The following CDYL variants were observed in gnomAD, a reference collection of about 807,000 sequenced individuals.
CDYL encodes the protein chromodomain Y like.
In CDYL, 8 loss-of-function variants were observed where a neutral mutation model predicts 47.3. The observed-to-expected ratio is 0.17, with a 90% confidence interval of 0.10 to 0.31. The LOEUF (loss-of-function observed/expected upper bound fraction) is 0.31, where lower values mean the gene tolerates loss of function less well. Among genes scored for constraint, CDYL ranks in the 10% least tolerant of loss-of-function variants. CDYL has a pLI of 1.00. For missense variants in CDYL, 471 were observed against 701.4 expected (o/e 0.67, Z 3.71); for synonymous variants, 266 against 265.0 (o/e 1.00, Z -0.04).
intron 3 of CDYL, among the ~76,000 whole-genome samples, chr6:4,751,434 A>G (rs945383445): frequency 6.6e-6 from 1 of 152,218 alleles, no homozygotes; most frequent in South Asian, 2.1e-4. Context: ...AGTCTTTCAA[A>G]AGTGTGAAAT....
chr6:4,712,712 A>G (rs143724601), intron 1 of CDYL, among the ~76,000 whole-genome samples: 9 of 152,364 alleles, frequency 5.9e-5, no homozygotes, highest in Non-Finnish European at 1.5e-5. Flanking sequence ...AGATAATTTC[A>G]GAGCTTTAAA....
chr6:4,723,530 C>T (rs1013270261), intron 2 of CDYL, among the ~76,000 whole-genome samples: 2 of 152,098 alleles, frequency 1.3e-5, no homozygotes, highest in Non-Finnish European at 2.9e-5. Context: ...TGGGGGCTGC[C>T]AGCACCTGAA....
chr6:4,706,140 T>A (rs190847093), upstream of CDYL: 14 of 152,340 alleles, frequency 9.2e-5, no homozygotes, highest in Middle Eastern at 3.4e-3. Context: ...TGGAGTTCAG[T>A]GACCCCTTTG....
chr6:4,711,205 C>T (rs931208940), intron 1 of CDYL, among the ~76,000 whole-genome samples: 6 of 152,172 alleles, frequency 3.9e-5, no homozygotes, highest in South Asian at 2.1e-4. Flanking sequence ...TGGCCTCTAA[C>T]GCTGTGGAGA....
At chr6:4,793,674 G>A (rs1256239169) in intron 1 of CDYL, among the ~76,000 whole-genome samples, 1 of 152,194 alleles carries the variant, frequency 6.6e-6, no homozygotes, top group Non-Finnish European at 1.5e-5. Flanking sequence ...AGGCTGGCAG[G>A]ATAATCCAGG....
chr6:4,719,322 G>C (rs563439144), intron 2 of CDYL, among the ~76,000 whole-genome samples: 1 of 152,224 alleles, frequency 6.6e-6, no homozygotes, highest in African/African-American at 2.4e-5. Context: ...TCCATTTATA[G>C]AAGTAGGATT....
At chr6:4,834,973 G>A (rs1054051746) in intron 1 of CDYL, among the ~76,000 whole-genome samples, 2 of 152,016 alleles carry the variant, frequency 1.3e-5, no homozygotes, top group African/African-American at 4.8e-5. Context: ...TTATACATTC[G>A]TCTAAATTTT....
At chr6:4,933,873 G>A (rs944666523) in intron 2 of CDYL, among the ~76,000 whole-genome samples, 2 of 152,206 alleles carry the variant, frequency 1.3e-5, no homozygotes, top group African/African-American at 4.8e-5. Context: ...GAATAGTAGT[G>A]CGTATTGCAG....
At chr6:4,723,365 T>C (rs531281310) in intron 2 of CDYL, among the ~76,000 whole-genome samples, 3 of 152,032 alleles carry the variant, frequency 2.0e-5, no homozygotes, top group East Asian at 3.9e-4. Flanking sequence ...ATGACTGCAC[T>C]GTGCTGAGCA....
intron 3 of CDYL, among the ~76,000 whole-genome samples, chr6:4,765,462 A>G (rs1758238235): frequency 6.6e-6 from 1 of 152,226 alleles, no homozygotes; most frequent in Non-Finnish European, 1.5e-5. Context: ...TAATAAAAAT[A>G]CAAACTATTA....
rs1263640071 is a variant in CDYL, at chr6:4,952,271, C to T, written c.1338C>T (p.Asn446=). ...FPKIMGGASA[N]EMLLSGRKLT... ...TCCACTCTTCTTCCTTGCAGGCAAA[C>T]GAGATGCTGCTCAGTGGACGGAAGC... The change falls in exon 6 of 7, where the codon AAC becomes AAT. Residue 446 remains asparagine (N), a synonymous_variant. Coordinates refer to ENST00000397588, the MANE Select transcript of CDYL (RefSeq NM_004824.4). 8.1e-6 allele frequency: 13 copies of T among 1,612,940 alleles called. No homozygotes were observed. Among genetic ancestry groups the T allele is most frequent in the East Asian group, 2.2e-5 (1 of 44,854 alleles).
chr6:4,902,416 A>G (rs1757094020), intron 2 of CDYL, among the ~76,000 whole-genome samples: 1 of 151,794 alleles, frequency 6.6e-6, no homozygotes, highest in Admixed American at 6.6e-5. Context: ...AAAAAAAAAA[A>G]AAAAAGACAG....
intron 1 of CDYL, among the ~76,000 whole-genome samples, chr6:4,814,242 A>T (rs1226943654): frequency 6.6e-6 from 1 of 152,048 alleles, no homozygotes; most frequent in Admixed American, 6.5e-5. Flanking sequence ...CTTTCTTAAA[A>T]TGTTGAAGTA....
At chr6:4,869,696 C>G (rs1157507402) in intron 1 of CDYL, among the ~76,000 whole-genome samples, 2 of 152,252 alleles carry the variant, frequency 1.3e-5, no homozygotes, top group African/African-American at 2.4e-5. Flanking sequence ...TACCCTAATT[C>G]TAGTCAGTAT....
chr6:4,778,087 C>T (rs1758518383), intron 1 of CDYL, among the ~76,000 whole-genome samples: 1 of 152,124 alleles, frequency 6.6e-6, no homozygotes, highest in Non-Finnish European at 1.5e-5. Context: ...TCCCTGTTCT[C>T]AGGAGCTTTC....
At chr6:4,717,668 G>A (rs1757290270) in intron 2 of CDYL, among the ~76,000 whole-genome samples, 1 of 110,820 alleles carries the variant, frequency 9.0e-6, no homozygotes, top group South Asian at 3.0e-4. Flanking sequence ...TCAGGTCATT[G>A]CACTGAAGCT....
intron 1 of CDYL, among the ~76,000 whole-genome samples, chr6:4,837,326 C>T (rs1760346471): frequency 6.6e-6 from 1 of 151,974 alleles, no homozygotes; most frequent in African/African-American, 2.4e-5. Context: ...TTGACCAATA[C>T]ATTTGTTGTA....
chr6:4,804,730 C>A (rs1196932117), intron 1 of CDYL, among the ~76,000 whole-genome samples: 1 of 152,200 alleles, frequency 6.6e-6, no homozygotes, highest in African/African-American at 2.4e-5. Context: ...GGTCCATTCT[C>A]CTACTCATGA....
intron 2 of CDYL, among the ~76,000 whole-genome samples, chr6:4,906,841 A>G (rs924680836): frequency 1.3e-5 from 2 of 152,166 alleles, no homozygotes; most frequent in Non-Finnish European, 1.5e-5. Flanking sequence ...TTCTACTTGC[A>G]AAGTCTTCCA....
Sources: gnomAD v4.1 joint callset for allele counts (sites outside exome capture counted in the v4.1 genomes callset) on GRCh38, gnomAD v4.1.1 for gene constraint, MANE v1.5 for transcripts, NCBI Gene and HGNC (gene_info 2026-07-23, HGNC 2026-07-21) for gene names.